FNDC3B: variants seen among roughly 807,000 people sequenced by gnomAD.
FNDC3B encodes fibronectin type III domain-containing protein 3B.
In FNDC3B, 12 loss-of-function variants were observed where a neutral mutation model predicts 151.5. The observed-to-expected ratio is 0.08, with a 90% CI of 0.05 to 0.13. FNDC3B has a LOEUF of 0.13. Ranked by LOEUF, FNDC3B falls within the 10% of genes least tolerant of loss-of-function variation. The pLI, the probability that FNDC3B is intolerant of heterozygous loss-of-function variation, is 1.00. For synonymous variants in FNDC3B, 528 were observed against 549.0 expected, an observed-to-expected ratio of 0.96 and a Z score of 0.54; for missense variants, 1,214 against 1,505.3, an observed-to-expected ratio of 0.81 and a Z score of 3.20.
At chr3:172,106,872 T>C (rs999605592) in intron 1 of FNDC3B, among the ~76,000 whole-genome samples, 1 of 152,244 alleles carries the variant, frequency 6.6e-6, no homozygotes, top group Non-Finnish European at 1.5e-5. Flanking sequence ...AGGAATAAGC[T>C]AGTTGCCTAG....
At chr3:172,092,105 A>G (rs1488793185) in intron 1 of FNDC3B, among the ~76,000 whole-genome samples, 3 of 152,146 alleles carry the variant, frequency 2.0e-5, no homozygotes, top group African/African-American at 7.2e-5. Context: ...TGCACATTTC[A>G]AGTGTTTATG....
chr3:172,088,392 G>T (rs1304734983), intron 1 of FNDC3B, among the ~76,000 whole-genome samples: 2 of 152,176 alleles, frequency 1.3e-5, no homozygotes, highest in Admixed American at 1.3e-4. Context: ...CAAATCTCCA[G>T]ATGGCCACCA....
chr3:172,250,605 T>C (rs1016517365), intron 5 of FNDC3B, among the ~76,000 whole-genome samples: 9 of 152,204 alleles, frequency 5.9e-5, no homozygotes, highest in African/African-American at 2.2e-4. Flanking sequence ...GTATTGCAAC[T>C]ACTGAAAACA....
intron 3 of FNDC3B, among the ~76,000 whole-genome samples, chr3:172,141,210 T>C (rs554552141): frequency 6.6e-6 from 1 of 152,314 alleles, no homozygotes; most frequent in East Asian, 1.9e-4. Flanking sequence ...TAGAAATCAG[T>C]TGAAATTCTA....
chr3:172,043,090 A>T (rs1440978894), intron 1 of FNDC3B, among the ~76,000 whole-genome samples: 1 of 151,516 alleles, frequency 6.6e-6, no homozygotes, highest in African/African-American at 2.4e-5. Flanking sequence ...AATTTTTTGT[A>T]TTTTTTAGTA....
At chr3:172,356,916 C>T (rs1467487821) in intron 22 of FNDC3B, among the ~76,000 whole-genome samples, 1 of 152,122 alleles carries the variant, frequency 6.6e-6, no homozygotes, top group East Asian at 1.9e-4. Flanking sequence ...CTCTTGACAT[C>T]CCGAGCTCTG....
At chr3:172,319,740 C>G (rs1731988700) in intron 11 of FNDC3B, among the ~76,000 whole-genome samples, 1 of 152,212 alleles carries the variant, frequency 6.6e-6, no homozygotes, top group African/African-American at 2.4e-5. Context: ...CATACGTGCT[C>G]TTTTATTTCT....
chr3:172,246,137 T>C (rs1163845481), intron 4 of FNDC3B, among the ~76,000 whole-genome samples: 3 of 152,236 alleles, frequency 2.0e-5, no homozygotes, highest in Non-Finnish European at 4.4e-5. Context: ...TCCTGAGGTA[T>C]AATGAGAAAT....
chr3:172,169,739 A>T (rs1029806816), intron 3 of FNDC3B, among the ~76,000 whole-genome samples: 11 of 152,216 alleles, frequency 7.2e-5, no homozygotes, highest in African/African-American at 2.7e-4. Context: ...GGTGCCTAGC[A>T]GTTGCTCTGC....
chr3:172,149,657 T>C (rs563923941), intron 3 of FNDC3B, among the ~76,000 whole-genome samples: 68 of 152,234 alleles, frequency 4.5e-4, no homozygotes, highest in African/African-American at 1.6e-3. Context: ...GACCTTACTT[T>C]AGGTCCTACA....
Position 172,330,532 on chromosome 3 carries a change from T to C in FNDC3B, c.1380-9T>C. On this transcript the variant is annotated splice_polypyrimidine_tract_variant and intron_variant, in intron 12 of 25. Transcript: ENST00000415807. ...TTCTAACTGTGTGCCTCACTTTCTTTCTCTACAGTGGTTATAGCCAAGAGG... is the reference window on the plus strand; with the variant it reads ...TTCTAACTGTGTGCCTCACTTTCTTCCTCTACAGTGGTTATAGCCAAGAGG... 2 of 1,604,120 alleles carry C rather than the reference T, an allele frequency of 1.2e-6. No individual in the cohort carries two copies. The highest frequency in any genetic ancestry group is 8.5e-7 in the Non-Finnish European group (1 of 1,173,748).
At chr3:172,127,796 G>C (rs552321536) in intron 2 of FNDC3B, among the ~76,000 whole-genome samples, 1 of 152,238 alleles carries the variant, frequency 6.6e-6, no homozygotes, top group East Asian at 1.9e-4. Flanking sequence ...CTCCAGAGTA[G>C]CTGAGACTAC....
chr3:172,313,727 G>A (rs951823180), intron 11 of FNDC3B, among the ~76,000 whole-genome samples: 1 of 152,172 alleles, frequency 6.6e-6, no homozygotes, highest in Non-Finnish European at 1.5e-5. Context: ...TCTTTGCTTT[G>A]TATTATACCC....
At chr3:172,320,334 C>G (rs775202961) in intron 11 of FNDC3B, among the ~76,000 whole-genome samples, 1 of 151,986 alleles carries the variant, frequency 6.6e-6, no homozygotes, top group Non-Finnish European at 1.5e-5. Flanking sequence ...GAGCCGAGAT[C>G]ATTCCACTGC....
At position 172,150,095 on chromosome 3, in the gene FNDC3B, G is replaced by A. The variant is rs148267836; in HGVS notation, c.187+16549G>A. On this transcript the variant is annotated intron_variant, in intron 3 of 25. Transcript: ENST00000415807. Reference sequence around the variant, plus strand: ...GCCTCCAAAAGTGCTGGGATTACAGGTGTGAGCCACCACGCCCAGCCATGT... The same window carrying A: ...GCCTCCAAAAGTGCTGGGATTACAGATGTGAGCCACCACGCCCAGCCATGT... Among the ~76,000 whole-genome samples, 1,027 of 152,196 alleles carry A rather than the reference G, an allele frequency of 6.7e-3. 19 individuals carry two copies. Among genetic ancestry groups the A allele is most frequent in the African/African-American group, 0.024 (978 of 41,518 alleles).
intron 9 of FNDC3B, among the ~76,000 whole-genome samples, chr3:172,304,507 A>G (rs1164751652): frequency 6.6e-6 from 1 of 152,248 alleles, no homozygotes; most frequent in Non-Finnish European, 1.5e-5. Flanking sequence ...TGGAGACAGT[A>G]GGAATGATGG....
intron 1 of FNDC3B, among the ~76,000 whole-genome samples, chr3:172,069,650 TC>T (rs1717671716): frequency 6.6e-6 from 1 of 152,182 alleles, no homozygotes; most frequent in Non-Finnish European, 1.5e-5. Flanking sequence ...GACTTTTCAG[TC>T]CAGTGCCCTT....
intron 5 of FNDC3B, among the ~76,000 whole-genome samples, chr3:172,248,346 T>A (rs1410202319): frequency 6.6e-6 from 1 of 152,194 alleles, no homozygotes; most frequent in African/African-American, 2.4e-5. Flanking sequence ...TAGCCATTAG[T>A]GCAGCCGCAA....
chr3:172,372,257 G>GTCATGGAGCTGATGCCTCTGA (rs2083377293), intron 23 of FNDC3B, among the ~76,000 whole-genome samples: 1 of 152,152 alleles, frequency 6.6e-6, no homozygotes, highest in Non-Finnish European at 1.5e-5. Flanking sequence ...AGGAGCCTGG[G>GTCATGGAGCTGATGCCTCTGA]TCATGGAGCT....
Sources: gnomAD v4.1 joint callset for allele counts (sites outside exome capture counted in the v4.1 genomes callset) on GRCh38, gnomAD v4.1.1 for gene constraint, MANE v1.5 for transcripts, NCBI Gene and HGNC (gene_info 2026-07-23, HGNC 2026-07-21) for gene names.